Variants in ZNF727 observed in about 807,000 individuals in gnomAD.
ZNF727 encodes the protein zinc finger protein 727, also known as putative zinc finger protein 727.
Under a neutral mutation model 11.5 loss-of-function variants are expected in ZNF727, and 11 were observed. The observed-to-expected ratio is 0.95, with a 90% CI of 0.60 to 1.58. The LOEUF (loss-of-function observed/expected upper bound fraction) is 1.58, where lower values mean the gene tolerates loss of function less well. Among genes scored for constraint, ZNF727 ranks in the 40% most tolerant of loss-of-function variants. The pLI is 0.00. For missense variants in ZNF727, 533 were observed against 581.7 expected (o/e 0.92, Z 0.86); for synonymous variants, 171 against 196.1 (o/e 0.87, Z 1.07).
intron 1 of ZNF727, among the ~76,000 whole-genome samples, chr7:64,061,576 A>T (rs1014117804): frequency 7.9e-5 from 12 of 151,242 alleles, no homozygotes; most frequent in Admixed American, 3.3e-4. Flanking sequence ...TTATTGGTGA[A>T]GTATGTATCT....
intron 3 of ZNF727, among the ~76,000 whole-genome samples, chr7:64,074,125 TG>T (rs1443170089): frequency 6.6e-6 from 1 of 152,136 alleles, no homozygotes; most frequent in African/African-American, 2.4e-5. Context: ...AAAATATTAC[TG>T]GAGTGTGAAA....
At position 64,082,551 on chromosome 7, in the gene ZNF727, G is replaced by A. The variant is rs1251876422; in HGVS notation, c.*4002G>A. ...AACCCCTGTTGAAAGGTCTTACCCAGTGAGGAGAACATGACTGGGGACCCA... is the reference window on the plus strand; with the variant it reads ...AACCCCTGTTGAAAGGTCTTACCCAATGAGGAGAACATGACTGGGGACCCA... On this transcript the variant is annotated 3_prime_UTR_variant, in exon 4 of 4. Transcript: ENST00000456806. Among the ~76,000 whole-genome samples the A allele has an allele frequency of 1.3e-5, 2 of 152,180 alleles. No homozygotes were observed. The highest frequency in any genetic ancestry group is 1.3e-4 in the Admixed American group (2 of 15,280).
Position 64,051,019 on chromosome 7 carries a change from T to G in ZNF727, c.3+5395T>G, listed in dbSNP as rs377624182. On this transcript the variant is annotated intron_variant, in intron 1 of 3. Coordinates refer to ENST00000456806, the MANE Select transcript of ZNF727 (RefSeq NM_001159522.3). The stretch of plus-strand genomic sequence containing the variant: ...ATAGAGTGATCACTATTTAAAGCTG[T>G]ATTTAAAATATTTAAAACTATTTAA... 1.3e-3 allele frequency among the ~76,000 whole-genome samples: 192 copies of G among 152,296 alleles called. 1 individual carries two copies. The highest frequency in any genetic ancestry group is 4.4e-3 in the African/African-American group (181 of 41,578).
chr7:64,082,145 C>A lies in ZNF727; in HGVS notation c.*3596C>A, dbSNP rs1432103687. On this transcript the variant is annotated 3_prime_UTR_variant, in exon 4 of 4. Transcript: ENST00000456806. ...TTCATTAGTCTGAGGGTAGCAAGGA[C>A]AGTTCTACTGCAGAGGCAATGGCAA... Among the ~76,000 whole-genome samples, 2 of 152,112 alleles carry A rather than the reference C, an allele frequency of 1.3e-5. No homozygotes were observed. Among genetic ancestry groups the A allele is most frequent in the Non-Finnish European group, 2.9e-5 (2 of 68,032 alleles).
chr7:64,067,381 A>G (rs1789886618), intron 1 of ZNF727, among the ~76,000 whole-genome samples: 1 of 152,128 alleles, frequency 6.6e-6, no homozygotes, highest in Non-Finnish European at 1.5e-5. Context: ...GCAATCCCGT[A>G]ACTGGGTATA....
chr7:64,045,655 G>C (rs1340470332), intron 1 of ZNF727, 31 bp downstream of exon 1: 1 of 1,558,022 alleles, frequency 6.4e-7, no homozygotes, highest in South Asian at 1.2e-5. Flanking sequence ...TCCCGAGAAG[G>C]GGGAAGAGGC....
chr7:64,077,746 T>C lies in ZNF727; in HGVS notation c.697T>C (p.Cys233Arg). The C allele has an allele frequency of 6.3e-7, 1 of 1,584,064 alleles. No individual in the cohort carries two copies. The highest frequency in any genetic ancestry group is 8.6e-7 in the Non-Finnish European group (1 of 1,164,586). Reference protein sequence around the residue: ...TGKKPYKCEECGKTFTCSSAL... With the variant: ...TGKKPYKCEERGKTFTCSSAL... ...AAAGAAACCCTACAAATGTGAAGAA[T>C]GTGGCAAAACATTTACCTGTTCCTC... is the stretch of plus-strand genomic sequence containing the variant. Residue 233 changes from cysteine to arginine, a missense_variant, in exon 4 of 4, where the codon TGT becomes CGT. Cys to Arg is a radical substitution (Grantham distance 180, BLOSUM62 -3). This residue lies in a region of ZNF727 where 463 missense variants were observed against 494.5 expected (regional missense o/e 0.94). Coordinates refer to ENST00000456806, the MANE Select transcript of ZNF727 (RefSeq NM_001159522.3).
At chr7:64,056,550 T>C (rs1789689362) in intron 1 of ZNF727, among the ~76,000 whole-genome samples, 1 of 152,212 alleles carries the variant, frequency 6.6e-6, no homozygotes, top group Non-Finnish European at 1.5e-5. Flanking sequence ...TAACATATTA[T>C]TTATTTTATT....
rs1785710052 is a variant in ZNF727, at chr7:64,077,896, C to A, written c.847C>A (p.Pro283Thr). 6.3e-7 allele frequency: 1 copy of A among 1,582,552 alleles called. No homozygotes were observed. The highest frequency in any genetic ancestry group is 8.6e-7 in the Non-Finnish European group (1 of 1,163,810). Reference sequence around the variant, plus strand: ...TAAGAGAATTCATACTGGAGAGAAACCCTACAAATGTAAAGAATGTCACAA... The same window carrying A: ...TAAGAGAATTCATACTGGAGAGAAAACCTACAAATGTAAAGAATGTCACAA... The part of the protein sequence containing the change: ...KHKRIHTGEK[P>T]YKCKECHKAF... The change falls in exon 4 of 4, where the codon CCC becomes ACC. Residue 283 changes from proline to threonine, a missense_variant. This residue lies in a region of ZNF727 where 463 missense variants were observed against 494.5 expected (regional missense o/e 0.94). Transcript: ENST00000456806.
chr7:64,071,600 G>T (rs1789963200), intron 3 of ZNF727, among the ~76,000 whole-genome samples: 1 of 151,854 alleles, frequency 6.6e-6, no homozygotes, highest in African/African-American at 2.4e-5. Context: ...TTAGTTTGAT[G>T]CAGTTTAATT....
intron 3 of ZNF727, among the ~76,000 whole-genome samples, chr7:64,074,065 G>GTTGGGT (rs377199011): frequency 4.6e-5 from 7 of 152,228 alleles, no homozygotes; most frequent in African/African-American, 1.2e-4. Context: ...GGAAAGAAAG[G>GTTGGGT]TTGGGTTGGA....
rs1485517416 is a variant in ZNF727 at position 64,045,455 on chromosome 7, C to T, written c.-167C>T. The T allele has an allele frequency of 3.6e-5, 34 of 951,306 alleles. No individual in the cohort carries two copies. Among genetic ancestry groups the T allele is most frequent in the Non-Finnish European group, 5.0e-5 (30 of 603,638 alleles). The allele number at this position is 951,306 out of a possible 1,614,324, so 58.9% of individuals were successfully genotyped here. On this transcript the variant is annotated 5_prime_UTR_variant, in exon 1 of 4. Transcript: ENST00000456806. ...AGGCGGGCTCTTCAATATGGCAAGG[C>T]CTTCGTCTCCTAGCTTCTAGGCTCT...
intron 1 of ZNF727, among the ~76,000 whole-genome samples, chr7:64,066,556 A>G (rs1789872601): frequency 6.6e-6 from 1 of 152,202 alleles, no homozygotes; most frequent in Admixed American, 6.5e-5. Context: ...TGAGGAAAGG[A>G]TTCCCTAGGT....
At position 64,078,255 on chromosome 7, in the gene ZNF727, C is replaced by G. The variant is rs192642994; in HGVS notation, c.1206C>G (p.Gly402=). 11 of 1,604,512 alleles carry G rather than the reference C, an allele frequency of 6.9e-6. No individual in the cohort carries two copies. In the African/African-American group the frequency reaches 1.2e-4, roughly 18 times the overall value. Residue 402 remains glycine, a synonymous_variant, in exon 4 of 4, where the codon GGC becomes GGG. Transcript: ENST00000456806. ...GEKPYKCEEC[G]KSFTCSSNLI... The stretch of plus-strand genomic sequence containing the variant: ...AACCCTACAAATGTGAAGAATGTGG[C>G]AAAAGCTTTACCTGCTCCTCAAACC...
chr7:64,053,298 A>G (rs1789631077), intron 1 of ZNF727, among the ~76,000 whole-genome samples: 1 of 151,654 alleles, frequency 6.6e-6, no homozygotes, highest in Non-Finnish European at 1.5e-5. Context: ...ATGAGATCTG[A>G]TAGGTTTTTT....
At chr7:64,046,740 AAC>A (rs997505067) in intron 1 of ZNF727, among the ~76,000 whole-genome samples, 1 of 152,212 alleles carries the variant, frequency 6.6e-6, no homozygotes, top group African/African-American at 2.4e-5. Flanking sequence ...GATTAATACA[AAC>A]AGTTTATTTG....
Position 64,062,917 on chromosome 7 carries a change from G to A in ZNF727, c.4-5974G>A, listed in dbSNP as rs566111507. 2.3e-4 allele frequency among the ~76,000 whole-genome samples: 34 copies of A among 150,996 alleles called. No individual in the cohort carries two copies. The South Asian group carries it at 6.9e-3, about 31-fold the overall frequency. ...GAGAGACTCTGATGCACTCTTCAAT[G>A]TCATTTGAATTTTCAGCACCAGAAT... On this transcript the variant is annotated intron_variant, in intron 1 of 3. Transcript: ENST00000456806.
At chr7:64,072,683 ATAGT>A (rs1420603483) in intron 3 of ZNF727, among the ~76,000 whole-genome samples, 5 of 152,102 alleles carry the variant, frequency 3.3e-5, no homozygotes, top group African/African-American at 4.8e-5. Context: ...GGAGCCGGAG[ATAGT>A]TATAGAGTCA....
chr7:64,065,414 C>T (rs1789847262), intron 1 of ZNF727, among the ~76,000 whole-genome samples: 1 of 152,082 alleles, frequency 6.6e-6, no homozygotes, highest in South Asian at 2.1e-4. Context: ...TTACTGGTTC[C>T]AAACCTCCCC....
Sources: gnomAD v4.1 joint callset for allele counts (sites outside exome capture counted in the v4.1 genomes callset) on GRCh38, gnomAD v4.1.1 for gene constraint, gnomAD v4.1.1 regional missense constraint, MANE v1.5 for transcripts, NCBI Gene and HGNC (gene_info 2026-07-23, HGNC 2026-07-21) for gene names.